VPS53: variants seen among roughly 807,000 people sequenced by gnomAD.
VPS53 encodes the protein VPS53 subunit of GARP complex.
Under a neutral mutation model 107.0 loss-of-function variants are expected in VPS53, and 70 were observed. The observed-to-expected ratio is 0.65, with a 90% CI of 0.54 to 0.80. The LOEUF (loss-of-function observed/expected upper bound fraction) is 0.80, where lower values mean the gene tolerates loss of function less well. Ranked by LOEUF, VPS53 falls within the 30% of genes least tolerant of loss-of-function variation. VPS53 has a pLI of 0.00. For missense variants in VPS53, 917 were observed against 1,049.4 expected, an observed-to-expected ratio of 0.87 and a Z score of 1.74; for synonymous variants, 409 against 393.3, an observed-to-expected ratio of 1.04 and a Z score of -0.47.
intron 12 of VPS53, among the ~76,000 whole-genome samples, chr17:592,391 T>C (rs944439804): frequency 6.6e-5 from 10 of 152,164 alleles, no homozygotes; most frequent in South Asian, 6.2e-4. Flanking sequence ...TCCATTTACA[T>C]TTAAAGTTAA....
At chr17:707,431 A>T (rs915856971) in intron 2 of VPS53, among the ~76,000 whole-genome samples, 3 of 151,806 alleles carry the variant, frequency 2.0e-5, no homozygotes, top group Non-Finnish European at 4.4e-5. Flanking sequence ...GACACAGGAG[A>T]ATCACTTGAA....
At position 710,550 on chromosome 17, in the gene VPS53, G is replaced by A. The variant is rs188298572; in HGVS notation, c.151C>T (p.Leu51=). 1.2e-6 allele frequency: 2 copies of A among 1,613,952 alleles called. No homozygotes were observed. The highest frequency in any genetic ancestry group is 1.7e-6 in the Non-Finnish European group (2 of 1,179,904). The part of the protein sequence containing the change: ...DFNAVEYINT[L]FPTEQSLANI... ...CTACTTACTTGCTCGGTTGGGAACA[G>A]GGTATTGATATACTCAACAGCATTG... Residue 51 remains leucine (L), a synonymous_variant, in exon 2 of 22, where the codon CTG becomes TTG. Transcript: ENST00000437048.
chr17:539,709 G>A (rs1024710620), intron 17 of VPS53, among the ~76,000 whole-genome samples: 12 of 152,182 alleles, frequency 7.9e-5, no homozygotes, highest in African/African-American at 1.7e-4. Context: ...CCCCATGGGT[G>A]ACTGAAGGTT....
At chr17:683,604 T>C (rs1972480741) in intron 4 of VPS53, among the ~76,000 whole-genome samples, 1 of 152,228 alleles carries the variant, frequency 6.6e-6, no homozygotes, top group African/African-American at 2.4e-5. Context: ...AGGTGACAAA[T>C]GCCTTCATTT....
intron 11 of VPS53, among the ~76,000 whole-genome samples, chr17:619,296 C>T (rs1373594632): frequency 2.7e-5 from 4 of 148,426 alleles, no homozygotes; most frequent in African/African-American, 5.0e-5. Flanking sequence ...TAATATTTTC[C>T]GGGTAGCTGG....
chr17:572,574 T>C (rs1051078797), intron 13 of VPS53, among the ~76,000 whole-genome samples: 2 of 151,894 alleles, frequency 1.3e-5, no homozygotes, highest in African/African-American at 4.8e-5. Flanking sequence ...ATGGCGGTTT[T>C]GTGGAATAGA....
rs991151557 is a variant in VPS53 at position 529,463 on chromosome 17, C to A, written c.2085+3379G>T. ...TACTGTATCTATAGATAAATTGATACAGTAATTAGGATTGAATTCTATCTA... is the reference window on the plus strand; with the variant it reads ...TACTGTATCTATAGATAAATTGATAAAGTAATTAGGATTGAATTCTATCTA... On this transcript the variant is annotated intron_variant, in intron 19 of 21. Transcript: ENST00000437048. Among the ~76,000 whole-genome samples the A allele has an allele frequency of 2.6e-5, 4 of 152,054 alleles. 1 individual carries two copies. The South Asian group carries it at 8.3e-4, about 32-fold the overall frequency.
chr17:589,903 A>G (rs1348863205), intron 12 of VPS53, among the ~76,000 whole-genome samples: 3 of 151,914 alleles, frequency 2.0e-5, no homozygotes, highest in Non-Finnish European at 4.4e-5. Context: ...GTTTTTTCCA[A>G]TTCTGTGAAG....
At chr17:570,595 A>G (rs902898455) in intron 13 of VPS53, among the ~76,000 whole-genome samples, 1 of 152,182 alleles carries the variant, frequency 6.6e-6, no homozygotes, top group African/African-American at 2.4e-5. Flanking sequence ...GAAAGACTCA[A>G]TTAGTCTTCT....
In VPS53 at chr17:699,371, T is replaced by C; in HGVS notation, c.178A>G (p.Asn60Asp). ...TLFPTEQSLA[N>D]IDEVVNKIRL... is the part of the protein sequence containing the mutation. ...ATTTTGTTCACGACTTCGTCTATGT[T>C]CGCCAGAGACTACAATAAAGAAGGA... The change falls in exon 3 of 22, where the codon AAC becomes GAC. Residue 60 changes from asparagine to aspartate, a missense_variant. Asn to Asp is a conservative substitution (Grantham distance 23). Coordinates refer to ENST00000437048, the MANE Select transcript of VPS53 (RefSeq NM_001128159.3). The C allele has an allele frequency of 6.4e-7, 1 of 1,570,742 alleles. No individual in the cohort carries two copies. The highest frequency in any genetic ancestry group is 8.6e-7 in the Non-Finnish European group (1 of 1,163,004).
intron 13 of VPS53, among the ~76,000 whole-genome samples, chr17:579,944 T>A (rs1194147972): frequency 6.7e-6 from 1 of 149,830 alleles, no homozygotes; most frequent in Non-Finnish European, 1.5e-5. Context: ...CAGAATCTAA[T>A]GCATTCCCAG....
chr17:667,304 C>CTT lies in VPS53; in HGVS notation c.286-5411_286-5410dup, dbSNP rs35807091. ...GAAAGCTTGCTGACCCTGGTATAGA[C>CTT]TTTTTTTTTCAAGAAGTTTTTGCTA... On this transcript the variant is annotated intron_variant, in intron 4 of 21. Coordinates refer to ENST00000437048, the MANE Select transcript of VPS53 (RefSeq NM_001128159.3). 2.4e-3 allele frequency among the ~76,000 whole-genome samples: 366 copies of CTT among 150,522 alleles called. 8 individuals are homozygous for CTT. In the East Asian group the frequency reaches 0.055, roughly 22 times the overall value.
rs1047379614 is a variant in VPS53 at position 631,629 on chromosome 17, C to A, written c.609-1G>T. On this transcript the variant is annotated splice_acceptor_variant, in intron 7 of 21. Coordinates refer to ENST00000437048, the MANE Select transcript of VPS53 (RefSeq NM_001128159.3). LOFTEE classifies it high-confidence loss of function. ...TAACTCAGTCTGTGCAGCCTTCACT[C>A]TGTGAGGAAGAGAGAACATATCATC... 2.5e-6 allele frequency: 4 copies of A among 1,613,748 alleles called. No individual in the cohort carries two copies. Among genetic ancestry groups the A allele is most frequent in the African/African-American group, 2.7e-5 (2 of 74,900 alleles).
chr17:599,776 CA>C (rs58052126), intron 12 of VPS53, among the ~76,000 whole-genome samples: 14 of 79,934 alleles, frequency 1.8e-4, no homozygotes, highest in East Asian at 1.4e-3. Context: ...AAAAAAAAAA[CA>C]AAAACAAAAT....
At chr17:563,596 C>G (rs1913225920) in intron 13 of VPS53, among the ~76,000 whole-genome samples, 2 of 152,130 alleles carry the variant, frequency 1.3e-5, no homozygotes, top group Admixed American at 6.5e-5. Flanking sequence ...CTGCGCCCAG[C>G]TCATTTACTT....
Position 605,903 on chromosome 17 carries a change from G to A in VPS53, c.1117-4007C>T, listed in dbSNP as rs551556936. Among the ~76,000 whole-genome samples the A allele has an allele frequency of 5.6e-3, 857 of 152,216 alleles. 2 individuals carry two copies. Among genetic ancestry groups the A allele is most frequent in the Non-Finnish European group, 0.01 (713 of 67,990 alleles). On this transcript the variant is annotated intron_variant, in intron 11 of 21. Transcript: ENST00000437048. ...TTCTTCTCACTGCAATTGGGCAGTCGCTGGTAGTTTTCAACAGCGAAGTGA... is the reference window on the plus strand; with the variant it reads ...TTCTTCTCACTGCAATTGGGCAGTCACTGGTAGTTTTCAACAGCGAAGTGA...
intron 7 of VPS53, among the ~76,000 whole-genome samples, chr17:650,659 G>A (rs1970907621): frequency 6.6e-6 from 1 of 152,212 alleles, no homozygotes; most frequent in Non-Finnish European, 1.5e-5. Flanking sequence ...CGTACTACAA[G>A]TATATAAAGC....
intron 4 of VPS53, among the ~76,000 whole-genome samples, chr17:662,630 AGTG>A (rs1331681735): frequency 1.3e-5 from 2 of 151,884 alleles, no homozygotes; most frequent in Non-Finnish European, 2.9e-5. Context: ...CAGAGCTTGC[AGTG>A]AGCCGAAATT....
rs762193209 is a variant in VPS53 at position 710,607 on chromosome 17, G to A, written c.94C>T (p.Pro32Ser). The A allele has an allele frequency of 1.9e-6, 3 of 1,611,188 alleles. No individual in the cohort carries two copies. The highest frequency in any genetic ancestry group is 2.5e-6 in the Non-Finnish European group (3 of 1,177,432). ...GCTCGATCTAGAGGGTCCTGGCTTG[G>A]AAACACCTATATAGAAAGAGAGGAG... ...EVQLAIEQVF[P>S]SQDPLDRADF... Residue 32 changes from proline (P) to serine (S), a missense_variant, in exon 2 of 22, where the codon CCA (proline) becomes TCA (serine). Transcript: ENST00000437048.
Sources: allele counts gnomAD v4.1 joint callset (sites outside exome capture counted in the v4.1 genomes callset), GRCh38; gene constraint gnomAD v4.1.1; transcripts MANE v1.5; gene names NCBI Gene and HGNC (gene_info 2026-07-23, HGNC 2026-07-21).